The following ELF1 variants were observed in gnomAD, a reference collection of about 807,000 sequenced individuals.
The protein encoded by ELF1 is ETS-related transcription factor Elf-1.
In ELF1, 24 loss-of-function variants were observed where a neutral mutation model predicts 59.9. The observed-to-expected ratio is 0.40, with a 90% CI of 0.29 to 0.56. The LOEUF (loss-of-function observed/expected upper bound fraction) is 0.56, where lower values mean the gene tolerates loss of function less well. Ranked by LOEUF, ELF1 falls within the 20% of genes least tolerant of loss-of-function variation. The pLI is 0.44. For synonymous variants in ELF1, 248 were observed against 266.2 expected (o/e 0.93, Z 0.67); for missense variants, 627 against 742.2 (o/e 0.84, Z 1.80).
chr13:41,003,221 C>A lies in ELF1; in HGVS notation c.-229+16007G>T, dbSNP rs1874564672. Among the ~76,000 whole-genome samples the A allele has an allele frequency of 2.0e-5, 3 of 152,160 alleles. No homozygotes were observed. In the South Asian group the frequency reaches 6.2e-4, roughly 32 times the overall value. ...AAACTCAGAAATACATCAACACCCC[C>A]CAACAAAGAGCACAAAAAAGGGAGG... is the stretch of plus-strand genomic sequence containing the variant. On this transcript the variant is annotated intron_variant, in intron 1 of 8. Coordinates refer to ENST00000239882, the MANE Select transcript of ELF1 (RefSeq NM_172373.4).
intron 1 of ELF1, among the ~76,000 whole-genome samples, chr13:41,011,229 T>G (rs1350570042): frequency 6.6e-6 from 1 of 152,198 alleles, no homozygotes; most frequent in African/African-American, 2.4e-5. Context: ...TTGAAATGTG[T>G]TTTTGAGAAG....
Position 40,951,455 on chromosome 13 carries a change from G to C in ELF1, c.254-19C>G. Reference sequence around the variant, plus strand: ...GCTTCAACTGCAACACATTTAAAGAGAAAATTAAATTAACTACGAGACATC... The same window carrying C: ...GCTTCAACTGCAACACATTTAAAGACAAAATTAAATTAACTACGAGACATC... On this transcript the variant is annotated intron_variant, in intron 3 of 8. Transcript: ENST00000239882. 1.9e-6 allele frequency: 3 copies of C among 1,602,842 alleles called. No individual in the cohort carries two copies. The highest frequency in any genetic ancestry group is 2.6e-6 in the Non-Finnish European group (3 of 1,170,924).
chr13:40,982,855 T>C, intron 1 of ELF1: 1 of 985,178 alleles, frequency 1.0e-6, no homozygotes, highest in Non-Finnish European at 1.2e-6. Context: ...TTTTAAAAAT[T>C]ACCATGCTTA....
rs74045992 is a variant in ELF1, at chr13:40,977,914, A to C, written c.72+4069T>G. Among the ~76,000 whole-genome samples the C allele has an allele frequency of 3.5e-3, 527 of 152,354 alleles. 3 individuals carry two copies. Among genetic ancestry groups the C allele is most frequent in the African/African-American group, 0.012 (505 of 41,588 alleles). On this transcript the variant is annotated intron_variant, in intron 2 of 8. Transcript: ENST00000239882. ...AAGCCTGTACACATGGTAATTTAGT[A>C]TTAACAAAGGTGGCAGTTTAAGTGT...
chr13:40,989,956 T>G (rs1276081654), intron 1 of ELF1, among the ~76,000 whole-genome samples: 1 of 152,214 alleles, frequency 6.6e-6, no homozygotes, highest in African/African-American at 2.4e-5. Context: ...TGGTGTCTCT[T>G]AAGTTGTATT....
intron 3 of ELF1, among the ~76,000 whole-genome samples, chr13:40,957,484 T>C (rs1357085486): frequency 1.3e-5 from 2 of 148,876 alleles, no homozygotes; most frequent in Non-Finnish European, 3.0e-5. Context: ...GTGTGTTTGT[T>C]GAGAAAAAAT....
chr13:40,973,922 C>T (rs1449006624), intron 2 of ELF1, among the ~76,000 whole-genome samples: 3 of 152,152 alleles, frequency 2.0e-5, no homozygotes, highest in Non-Finnish European at 4.4e-5. Flanking sequence ...CAAGACAGCA[C>T]ATATTCTATG....
intron 2 of ELF1, among the ~76,000 whole-genome samples, chr13:40,962,079 C>T (rs546947067): frequency 6.6e-6 from 1 of 152,332 alleles, no homozygotes; most frequent in African/African-American, 2.4e-5. Context: ...TCCTGTTCTA[C>T]TAACCAGTAG....
intron 2 of ELF1, among the ~76,000 whole-genome samples, chr13:40,972,352 G>A (rs1016078220): frequency 1.4e-4 from 22 of 152,084 alleles, no homozygotes; most frequent in African/African-American, 3.4e-4. Context: ...GCTCCCTTAC[G>A]GCATAAGTCC....
chr13:41,009,281 C>T (rs1345952814), intron 1 of ELF1, among the ~76,000 whole-genome samples: 2 of 151,192 alleles, frequency 1.3e-5, no homozygotes, highest in Non-Finnish European at 3.0e-5. Context: ...GATCATAAAG[C>T]TTGAAAAAAA....
intron 2 of ELF1, among the ~76,000 whole-genome samples, chr13:40,964,659 C>CAAGT (rs1872068029): frequency 1.3e-5 from 2 of 152,136 alleles, no homozygotes; most frequent in Admixed American, 1.3e-4. Flanking sequence ...CTCAGCCTCT[C>CAAGT]AAGTAGCTGC....
At chr13:40,993,656 A>C (rs1873987476) in intron 1 of ELF1, among the ~76,000 whole-genome samples, 1 of 151,724 alleles carries the variant, frequency 6.6e-6, no homozygotes, top group South Asian at 2.1e-4. Flanking sequence ...AATTTTTTAT[A>C]ATTTCTTTTG....
chr13:40,951,115 C>T (rs1870818645), intron 4 of ELF1, among the ~76,000 whole-genome samples: 1 of 152,186 alleles, frequency 6.6e-6, no homozygotes, highest in African/African-American at 2.4e-5. Context: ...TAATAAATTA[C>T]ATTTTTTTGT....
intron 1 of ELF1, among the ~76,000 whole-genome samples, chr13:41,047,796 C>T (rs929235337): frequency 6.6e-6 from 1 of 152,216 alleles, no homozygotes; most frequent in Non-Finnish European, 1.5e-5. Context: ...CCACTACTCT[C>T]TTCAAAGCTG....
At chr13:40,993,559 T>C (rs961728211) in intron 1 of ELF1, among the ~76,000 whole-genome samples, 9 of 152,192 alleles carry the variant, frequency 5.9e-5, no homozygotes, top group African/African-American at 2.2e-4. Flanking sequence ...TTGCTCACTA[T>C]GGCCTCAAAC....
At chr13:40,936,379 ATAATG>A (rs1289703035) in intron 8 of ELF1, among the ~76,000 whole-genome samples, 2 of 152,160 alleles carry the variant, frequency 1.3e-5, no homozygotes, top group Non-Finnish European at 2.9e-5. Flanking sequence ...GACACAAGCA[ATAATG>A]TACTTGGAAA....
At chr13:40,957,699 TTCTTTA>T (rs1871541230) in intron 3 of ELF1, among the ~76,000 whole-genome samples, 2 of 152,252 alleles carry the variant, frequency 1.3e-5, no homozygotes, top group Admixed American at 6.5e-5. Context: ...TAAACTTCTT[TTCTTTA>T]TAAGTATTAC....
At chr13:40,952,368 C>CTTT (rs35141791) in intron 3 of ELF1, among the ~76,000 whole-genome samples, 2 of 146,244 alleles carry the variant, frequency 1.4e-5, no homozygotes, top group Non-Finnish European at 1.5e-5. Flanking sequence ...TTTGGTTTTG[C>CTTT]TTTTTTTTTT....
intron 1 of ELF1, among the ~76,000 whole-genome samples, chr13:41,014,381 T>C (rs978775090): frequency 2.0e-5 from 3 of 152,136 alleles, no homozygotes; most frequent in African/African-American, 7.2e-5. Context: ...CATTTCTGCA[T>C]AGAAATTTGT....
Sources: allele counts gnomAD v4.1 joint callset (sites outside exome capture counted in the v4.1 genomes callset), GRCh38; gene constraint gnomAD v4.1.1; transcripts MANE v1.5; gene names NCBI Gene and HGNC (gene_info 2026-07-23, HGNC 2026-07-21).